Variants in GALNT16 observed in about 807,000 individuals in gnomAD.
The protein encoded by GALNT16 is polypeptide N-acetylgalactosaminyltransferase 16.
Under a neutral mutation model 76.1 loss-of-function variants are expected in GALNT16, and 40 were observed. That is an observed-to-expected ratio of 0.53 (90% CI 0.41 to 0.68). GALNT16 has a LOEUF of 0.68. Ranked by LOEUF, GALNT16 falls within the 30% of genes least tolerant of loss-of-function variation. The pLI, the probability that GALNT16 is intolerant of heterozygous loss-of-function variation, is 0.00. For synonymous variants in GALNT16, 276 were observed against 285.2 expected (o/e 0.97, Z 0.32); for missense variants, 621 against 731.9 (o/e 0.85, Z 1.75).
intron 6 of GALNT16, among the ~76,000 whole-genome samples, chr14:69,329,376 A>G (rs775780968): frequency 2.0e-5 from 3 of 152,154 alleles, no homozygotes; most frequent in Non-Finnish European, 4.4e-5. Context: ...AAATTGGCAA[A>G]GGATTTGAGT....
intron 5 of GALNT16, among the ~76,000 whole-genome samples, chr14:69,326,420 G>C (rs568744776): frequency 6.6e-6 from 1 of 152,344 alleles, no homozygotes; most frequent in Admixed American, 6.5e-5. Flanking sequence ...GCGTGGCATT[G>C]TGCATGGCAC....
chr14:69,374,300 C>T, the GALNT16 span, among the ~76,000 whole-genome samples: 478 of 152,302 alleles, frequency 3.1e-3, 4 homozygotes, highest in African/African-American at 0.011. Flanking sequence ...TCCCCCAGCA[C>T]TCCCTCCCAT....
At chr14:69,323,835 A>G (rs1281725295) in intron 2 of GALNT16, among the ~76,000 whole-genome samples, 1 of 152,232 alleles carries the variant, frequency 6.6e-6, no homozygotes, top group Admixed American at 6.5e-5. Flanking sequence ...AATGAATGCC[A>G]CAATGAAAAA....
intron 1 of GALNT16, among the ~76,000 whole-genome samples, chr14:69,304,614 T>C (rs1037992397): frequency 2.6e-5 from 4 of 152,196 alleles, no homozygotes; most frequent in Non-Finnish European, 2.9e-5. Context: ...CCCCATTTCC[T>C]TTACACCTCC....
intron 12 of GALNT16, among the ~76,000 whole-genome samples, chr14:69,342,474 AAGGGAGGGAGGGAGGG>A (rs571084496): frequency 3.2e-5 from 1 of 31,490 alleles, no homozygotes; most frequent in Non-Finnish European, 6.3e-5. Context: ...AGAAGGAAGG[AAGGGAGGGAGGGAGGG>A]AGGGAGGGAG....
intron 10 of GALNT16, among the ~76,000 whole-genome samples, chr14:69,339,290 T>C (rs2045454291): frequency 6.6e-6 from 1 of 152,176 alleles, no homozygotes; most frequent in African/African-American, 2.4e-5. Context: ...GTCGAGCTCA[T>C]GCTTATTCGT....
intron 1 of GALNT16, among the ~76,000 whole-genome samples, chr14:69,276,291 A>G (rs2044470290): frequency 6.6e-6 from 1 of 152,214 alleles, no homozygotes; most frequent in Admixed American, 6.5e-5. Context: ...CTGGAGAAGG[A>G]TGGGAGAGAG....
In GALNT16 at chr14:69,347,130, G is replaced by A. The variant is rs2045575908; in HGVS notation, c.1362G>A (p.Leu454=). Residue 454 remains leucine, a synonymous_variant, in exon 13 of 15, where the codon CTG becomes CTA. Transcript: ENST00000448469. ...GCCAGAACACAGCTGGTGACTTCCT[G>A]CTTGGAATGGGGATCTGCAGAGGGT... ...SQGQNTAGDF[L]LGMGICRGSA... is the part of the protein sequence containing the mutation. 1 of 1,613,826 alleles carries A rather than the reference G, an allele frequency of 6.2e-7. No homozygotes were observed. The highest frequency in any genetic ancestry group is 1.7e-5 in the Admixed American group (1 of 59,996).
the GALNT16 span, among the ~76,000 whole-genome samples, chr14:69,366,262 C>T: frequency 6.6e-6 from 1 of 152,278 alleles, no homozygotes; most frequent in East Asian, 1.9e-4. Context: ...AGTCCCTTGG[C>T]TATCCCCCAC....
intron 1 of GALNT16, among the ~76,000 whole-genome samples, chr14:69,279,626 A>G (rs1594816542): frequency 6.6e-6 from 1 of 152,350 alleles, no homozygotes. Context: ...TGGGTGTGGG[A>G]AAGGCTGTGG....
intron 1 of GALNT16, among the ~76,000 whole-genome samples, chr14:69,269,308 G>A (rs1688056631): frequency 6.6e-6 from 1 of 151,540 alleles, no homozygotes; most frequent in African/African-American, 2.4e-5. Context: ...TCTGTGGTAT[G>A]TGTATGTGTA....
At chr14:69,295,377 T>C (rs562979346) in intron 1 of GALNT16, among the ~76,000 whole-genome samples, 2 of 140,540 alleles carry the variant, frequency 1.4e-5, no homozygotes, top group Non-Finnish European at 3.0e-5. Flanking sequence ...ATTGCGCCCC[T>C]GCACTTCAGC....
At chr14:69,355,721 G>A (rs2045688032), downstream of GALNT16, 1 of 152,286 alleles carries the variant, frequency 6.6e-6, no homozygotes, top group Non-Finnish European at 1.5e-5. Context: ...CAGGGCAGCA[G>A]AAGGGACTTC....
At chr14:69,343,686 G>C (rs1749244229) in intron 12 of GALNT16, among the ~76,000 whole-genome samples, 1 of 152,238 alleles carries the variant, frequency 6.6e-6, no homozygotes, top group Non-Finnish European at 1.5e-5. Context: ...TTTGGGTGAA[G>C]CCCACTAGTT....
chr14:69,278,693 T>C (rs1293580572), intron 1 of GALNT16, among the ~76,000 whole-genome samples: 1 of 152,222 alleles, frequency 6.6e-6, no homozygotes, highest in Non-Finnish European at 1.5e-5. Flanking sequence ...AATTGTCAAA[T>C]TGGCAGTTTC....
intron 1 of GALNT16, among the ~76,000 whole-genome samples, chr14:69,291,413 C>A (rs929749564): frequency 6.6e-6 from 1 of 152,208 alleles, no homozygotes; most frequent in Non-Finnish European, 1.5e-5. Flanking sequence ...CTCTGACTTT[C>A]CGAGTCTCTA....
Position 69,333,074 on chromosome 14 carries a change from G to A in GALNT16, c.779-11G>A, listed in dbSNP as rs376445344. The A allele has an allele frequency of 2.5e-5, 40 of 1,604,394 alleles. No homozygotes were observed. The highest frequency in any genetic ancestry group is 3.2e-5 in the Non-Finnish European group (37 of 1,171,294). On this transcript the variant is annotated splice_polypyrimidine_tract_variant and intron_variant, in intron 7 of 14. Coordinates refer to ENST00000448469, the MANE Select transcript of GALNT16 (RefSeq NM_001168368.2). The surrounding 1 kb of genome is among the most constrained non-coding windows in gnomAD (Gnocchi z 4.2). ...CCCTGAGCTCTGTCCTCACCTTGCT[G>A]TGTCCCTTAGGGTTCGACTGGAGCC...
At chr14:69,348,254 G>C in intron 14 of GALNT16, 2 of 595,574 alleles carry the variant, frequency 3.4e-6, no homozygotes, top group East Asian at 2.8e-5. Context: ...GGGACCACTT[G>C]TCTTGTTAAC....
intron 1 of GALNT16, among the ~76,000 whole-genome samples, chr14:69,269,422 T>G (rs1286114373): frequency 1.3e-5 from 2 of 151,146 alleles, no homozygotes; most frequent in African/African-American, 4.9e-5. Context: ...GTGGTATGTG[T>G]ATGTGTGGTA....
Sources: gnomAD v4.1 joint callset for allele counts (sites outside exome capture counted in the v4.1 genomes callset) on GRCh38, gnomAD v4.1.1 for gene constraint, Gnocchi (gnomAD v3.1) non-coding constraint, MANE v1.5 for transcripts, NCBI Gene and HGNC (gene_info 2026-07-23, HGNC 2026-07-21) for gene names.